TRIM36: variants seen among roughly 807,000 people sequenced by gnomAD.
TRIM36 encodes E3 ubiquitin-protein ligase TRIM36.
A neutral mutation model predicts 72.4 loss-of-function variants in TRIM36; 42 were observed. That is an observed-to-expected ratio of 0.58 (90% confidence interval 0.45 to 0.75). TRIM36 has a LOEUF of 0.75. TRIM36 is among the 30% of genes least tolerant of loss of function. The pLI is 0.00. For missense variants in TRIM36, 913 were observed against 857.1 expected (o/e 1.07, Z -0.81); for synonymous variants, 315 against 282.8 (o/e 1.11, Z -1.14).
At position 115,126,016 on chromosome 5, in the gene TRIM36, A is replaced by C. The variant is rs1250022408; in HGVS notation, c.*487T>G. 6.5e-6 allele frequency: 1 copy of C among 153,156 alleles called. No homozygotes were observed. Among genetic ancestry groups the C allele is most frequent in the African/African-American group, 2.4e-5 (1 of 41,438 alleles). The allele number at this position is 153,156 out of a possible 1,614,324, so 9.5% of individuals were successfully genotyped here. A position where few individuals can be genotyped will look rare whatever the true frequency, so the allele number is the denominator to read the frequency against. On this transcript the variant is annotated 3_prime_UTR_variant, in exon 10 of 10. Coordinates refer to ENST00000513154, the MANE Select transcript of TRIM36 (RefSeq NM_001300759.2). Reference sequence around the variant, plus strand: ...TTTTATGGTGTTTTTCTTTTAACCTATCTAGAACTTTGTTTTCCTATTGAA... The same window carrying C: ...TTTTATGGTGTTTTTCTTTTAACCTCTCTAGAACTTTGTTTTCCTATTGAA...
At chr5:115,138,249 G>A (rs1753073074) in intron 5 of TRIM36, among the ~76,000 whole-genome samples, 2 of 152,084 alleles carry the variant, frequency 1.3e-5, no homozygotes, top group South Asian at 4.1e-4. Context: ...ACAGGCACAT[G>A]CCACCACGCC....
intron 1 of TRIM36, among the ~76,000 whole-genome samples, chr5:115,169,314 A>G (rs892562818): frequency 6.6e-6 from 1 of 152,226 alleles, no homozygotes; most frequent in African/African-American, 2.4e-5. Context: ...CCTGAGCTCC[A>G]TTAGAGAGAC....
At chr5:115,171,005 C>T, upstream of TRIM36, 1 of 1,545,688 alleles carries the variant, frequency 6.5e-7, no homozygotes, top group Non-Finnish European at 8.8e-7. Flanking sequence ...GCCTTTCTGG[C>T]TAGCTAAACA....
chr5:115,152,370 T>C (rs1753938704), intron 2 of TRIM36, among the ~76,000 whole-genome samples: 1 of 152,082 alleles, frequency 6.6e-6, no homozygotes, highest in South Asian at 2.1e-4. Context: ...AAGCCTGGGA[T>C]TACGTTAAAT....
At chr5:115,143,772 C>T (rs553430796) in intron 4 of TRIM36, among the ~76,000 whole-genome samples, 2 of 152,150 alleles carry the variant, frequency 1.3e-5, no homozygotes, top group South Asian at 2.1e-4. Context: ...AAGAATAAAA[C>T]GAAAAGATAG....
In TRIM36 at chr5:115,169,736, G is replaced by C. The variant is rs1754993621; in HGVS notation, c.-102C>G. The C allele has an allele frequency of 6.9e-7, 1 of 1,448,496 alleles. No homozygotes were observed. Among genetic ancestry groups the C allele is most frequent in the African/African-American group, 1.4e-5 (1 of 70,376 alleles). The allele number at this position is 1,448,496 out of a possible 1,614,324, so 89.7% of individuals were successfully genotyped here. On this transcript the variant is annotated 5_prime_UTR_variant, in exon 1 of 10. Transcript: ENST00000513154. ...TCCCTGCGGCGGCCGTGGAGCCTCG[G>C]TCCGAAGCTGGAAGATGAGCTGGTC...
At chr5:115,151,960 A>T (rs921929043) in intron 2 of TRIM36, among the ~76,000 whole-genome samples, 1 of 152,186 alleles carries the variant, frequency 6.6e-6, no homozygotes, top group Non-Finnish European at 1.5e-5. Context: ...GTAATATGAC[A>T]AAACAAGGTT....
chr5:115,156,949 A>C (rs1483149507), intron 2 of TRIM36, among the ~76,000 whole-genome samples: 1 of 152,248 alleles, frequency 6.6e-6, no homozygotes. Context: ...AGAATCTACA[A>C]TGAACTCAAA....
intron 2 of TRIM36, among the ~76,000 whole-genome samples, chr5:115,158,695 A>G (rs565258467): frequency 2.6e-5 from 4 of 152,328 alleles, no homozygotes; most frequent in East Asian, 1.9e-4. Context: ...TTTGGGTATT[A>G]TATCAGCATT....
At chr5:115,139,490 A>G (rs1316292870) in intron 5 of TRIM36, among the ~76,000 whole-genome samples, 1 of 152,250 alleles carries the variant, frequency 6.6e-6, no homozygotes, top group Non-Finnish European at 1.5e-5. Flanking sequence ...CTTTCAGCCA[A>G]CACCTATAAT....
intron 3 of TRIM36, among the ~76,000 whole-genome samples, chr5:115,145,898 A>T (rs1456591819): frequency 2.0e-5 from 3 of 152,180 alleles, no homozygotes; most frequent in African/African-American, 7.2e-5. Flanking sequence ...AAAGAACTCA[A>T]CGTTATAGGC....
chr5:115,150,566 A>G (rs912277274), intron 2 of TRIM36, among the ~76,000 whole-genome samples: 5 of 152,244 alleles, frequency 3.3e-5, no homozygotes, highest in Admixed American at 1.3e-4. Flanking sequence ...ACTAGATTGC[A>G]GCTCTGACAG....
chr5:115,177,721 AC>A (rs746436756), intron 1 of TRIM36: 26 of 1,613,614 alleles, frequency 1.6e-5, no homozygotes, highest in African/African-American at 1.1e-4. Flanking sequence ...TCCCCCTCCA[AC>A]CCCCACAAAA....
rs1489408841 is a variant in TRIM36 at position 115,125,453 on chromosome 5, T to G, written c.*1050A>C. ...TTATATTAGAAATGCTTATTACCAATGAGAAACAGAAAATGCCACATAAGT... is the reference window on the plus strand; with the variant it reads ...TTATATTAGAAATGCTTATTACCAAGGAGAAACAGAAAATGCCACATAAGT... On this transcript the variant is annotated 3_prime_UTR_variant, in exon 10 of 10. Transcript: ENST00000513154. 6.6e-6 allele frequency: 1 copy of G among 151,988 alleles called. No individual in the cohort carries two copies. Among genetic ancestry groups the G allele is most frequent in the Non-Finnish European group, 1.5e-5 (1 of 67,898 alleles). The allele number at this position is 151,988 out of a possible 1,614,324, so 9.4% of individuals were successfully genotyped here.
intron 7 of TRIM36, among the ~76,000 whole-genome samples, chr5:115,135,318 G>A (rs1030800989): frequency 1.3e-5 from 2 of 152,032 alleles, no homozygotes; most frequent in African/African-American, 4.8e-5. Flanking sequence ...AAGCATTTCT[G>A]TGTATGCTGC....
Position 115,124,967 on chromosome 5 carries a change from T to C in TRIM36, c.*1536A>G, listed in dbSNP as rs147268946. ...GCATAATGATCCACATAACGCTGCATTATTTGCTTAGTTTAGCCTACATCA... is the reference window on the plus strand; with the variant it reads ...GCATAATGATCCACATAACGCTGCACTATTTGCTTAGTTTAGCCTACATCA... On this transcript the variant is annotated 3_prime_UTR_variant, in exon 10 of 10. Coordinates refer to ENST00000513154, the MANE Select transcript of TRIM36 (RefSeq NM_001300759.2). 119 of 152,662 alleles carry C rather than the reference T, an allele frequency of 7.8e-4. No homozygotes were observed. The highest frequency in any genetic ancestry group is 2.4e-3 in the African/African-American group (99 of 41,580). 9.5% of individuals were successfully genotyped at this position (152,662 alleles called of 1,614,324 possible).
At chr5:115,151,567 G>A (rs959857752) in intron 2 of TRIM36, among the ~76,000 whole-genome samples, 1 of 152,234 alleles carries the variant, frequency 6.6e-6, no homozygotes, top group African/African-American at 2.4e-5. Context: ...CTGGCAGGAA[G>A]CCAACCAGCA....
chr5:115,165,673 G>T (rs1477764882), intron 1 of TRIM36, among the ~76,000 whole-genome samples: 1 of 152,172 alleles, frequency 6.6e-6, no homozygotes, highest in Admixed American at 6.5e-5. Flanking sequence ...AGAGCCAGCG[G>T]GACCCAGGAA....
rs769305555 is a variant in TRIM36, at chr5:115,147,056, A to G, written c.588+13T>C. 1 of 1,594,398 alleles carries G rather than the reference A, an allele frequency of 6.3e-7. No homozygotes were observed. Among genetic ancestry groups the G allele is most frequent in the East Asian group, 2.2e-5 (1 of 44,594 alleles). ...TTAAAATAACATTCTAACTTAATAA[A>G]AACTTCACTTACCTTGGGTCTGAAG... On this transcript the variant is annotated intron_variant, in intron 3 of 9. Coordinates refer to ENST00000513154, the MANE Select transcript of TRIM36 (RefSeq NM_001300759.2).
Sources: gnomAD v4.1 joint callset for allele counts (sites outside exome capture counted in the v4.1 genomes callset) on GRCh38, gnomAD v4.1.1 for gene constraint, MANE v1.5 for transcripts, NCBI Gene and HGNC (gene_info 2026-07-23, HGNC 2026-07-21) for gene names.